The following SORCS2 variants were observed in gnomAD, a reference collection of about 807,000 sequenced individuals.
SORCS2 encodes the protein VPS10 domain-containing receptor SorCS2.
SORCS2 carries 100 observed loss-of-function variants against 141.6 expected under a neutral mutation model. The observed-to-expected ratio is 0.71, with a 90% CI of 0.60 to 0.83. The LOEUF is 0.83. Ranked by LOEUF, SORCS2 falls within the 40% of genes least tolerant of loss-of-function variation. The pLI is 0.00. For synonymous variants in SORCS2, 789 were observed against 676.9 expected, an observed-to-expected ratio of 1.17 and a Z score of -2.57; for missense variants, 1,646 against 1,560.2, an observed-to-expected ratio of 1.05 and a Z score of -0.93.
chr4:7,554,094 G>C (rs73214652), intron 3 of SORCS2, among the ~76,000 whole-genome samples: 2,351 of 68,424 alleles, frequency 0.034, 72 homozygotes, highest in African/African-American at 0.099. Flanking sequence ...CAAATGCAAG[G>C]CCAAAAAATC....
Position 7,543,784 on chromosome 4 carries a change from T to TCCATC in SORCS2, c.648+12156_648+12157insCATCC, listed in dbSNP as rs1553881832. Among the ~76,000 whole-genome samples the TCCATC allele has an allele frequency of 1.3e-3, 18 of 13,616 alleles. 1 individual carries two copies. The highest frequency in any genetic ancestry group is 2.1e-3 in the Admixed American group (2 of 960). The allele number at this position is 13,616 out of a possible 152,430, so 8.9% of individuals were successfully genotyped here. A position where few individuals can be genotyped will look rare whatever the true frequency, so the allele number is the denominator to read the frequency against. On this transcript the variant is annotated intron_variant, in intron 3 of 26. Coordinates refer to ENST00000507866, the MANE Select transcript of SORCS2 (RefSeq NM_020777.3). ...CCCACCCATCCGTCCATCCATCCAC[T>TCCATC]CATCCATCCATCCATCCATCCATCC... is the stretch of plus-strand genomic sequence containing the variant.
chr4:7,474,563 G>C (rs1168040347), intron 2 of SORCS2, among the ~76,000 whole-genome samples: 1 of 152,194 alleles, frequency 6.6e-6, no homozygotes, highest in Admixed American at 6.5e-5. Context: ...AGAGTCCCCA[G>C]CTCTGTGAAT....
chr4:7,410,619 T>C (rs1175594881), intron 2 of SORCS2, among the ~76,000 whole-genome samples: 2 of 152,208 alleles, frequency 1.3e-5, no homozygotes, highest in East Asian at 3.8e-4. Flanking sequence ...AAATGTCCCA[T>C]TGGCTTTTCA....
At chr4:7,697,108 G>A (rs1019074961) in intron 11 of SORCS2, 90 bp from the exon 12 acceptor site, 37 of 1,141,318 alleles carry the variant, frequency 3.2e-5, no homozygotes, top group Admixed American at 1.1e-4. Context: ...ACTGGCCACC[G>A]TTGCTTGAGG....
chr4:7,641,944 GATGA>G, intron 4 of SORCS2, among the ~76,000 whole-genome samples: 1 of 141,068 alleles, frequency 7.1e-6, no homozygotes, highest in South Asian at 2.4e-4. Flanking sequence ...ATGATGGATG[GATGA>G]ATGGATGGAT....
intron 26 of SORCS2, among the ~76,000 whole-genome samples, chr4:7,737,835 A>G (rs1404599585): frequency 6.6e-6 from 1 of 152,158 alleles, no homozygotes; most frequent in African/African-American, 2.4e-5. Context: ...GCTGCAGTCA[A>G]TGGCTGGTGC....
chr4:7,240,848 C>T (rs918778683), intron 1 of SORCS2, among the ~76,000 whole-genome samples: 11 of 152,164 alleles, frequency 7.2e-5, no homozygotes, highest in Non-Finnish European at 8.8e-5. Context: ...GTTTACACCC[C>T]GGTCGACCTT....
In SORCS2 at chr4:7,741,639, G is replaced by T. The variant is rs1231848633; in HGVS notation, c.*1375G>T. 5.5e-6 allele frequency: 1 copy of T among 181,464 alleles called. No homozygotes were observed. Among genetic ancestry groups the T allele is most frequent in the African/African-American group, 2.4e-5 (1 of 41,906 alleles). 11.2% of individuals were successfully genotyped at this position (181,464 alleles called of 1,614,324 possible). The stretch of plus-strand genomic sequence containing the variant: ...CCAATGAGGGTCCCTCTCAGAGCGG[G>T]AGAACGCCAGAGCCCTGGATGGTGA... On this transcript the variant is annotated 3_prime_UTR_variant, in exon 27 of 27. Transcript: ENST00000507866.
chr4:7,455,094 A>T (rs1236810048), intron 2 of SORCS2, among the ~76,000 whole-genome samples: 48 of 52,910 alleles, frequency 9.1e-4, no homozygotes, highest in African/African-American at 2.1e-3. Flanking sequence ...GGGGTCAGGC[A>T]CTGTGTTGGG....
intron 18 of SORCS2, among the ~76,000 whole-genome samples, chr4:7,723,221 A>G (rs986041227): frequency 6.6e-6 from 1 of 152,140 alleles, no homozygotes; most frequent in African/African-American, 2.4e-5. Flanking sequence ...TAAGAACCGC[A>G]GCTTCCCAGA....
intron 1 of SORCS2, among the ~76,000 whole-genome samples, chr4:7,370,946 T>C (rs1206185593): frequency 2.3e-4 from 35 of 152,182 alleles, no homozygotes; most frequent in Non-Finnish European, 1.5e-5. Context: ...GGTCCCCCTG[T>C]CTAGGAGCCT....
chr4:7,507,980 ATTGT>A (rs1732378499), intron 2 of SORCS2, among the ~76,000 whole-genome samples: 1 of 131,546 alleles, frequency 7.6e-6, no homozygotes, highest in Admixed American at 8.2e-5. Context: ...GTAAAATGTA[ATTGT>A]TTGTAAGGCA....
At chr4:7,306,872 C>A (rs1382692587) in intron 1 of SORCS2, among the ~76,000 whole-genome samples, 2 of 152,106 alleles carry the variant, frequency 1.3e-5, no homozygotes, top group Middle Eastern at 3.2e-3. Context: ...GCGTTGTGGG[C>A]GACCCCCTAA....
chr4:7,632,433 T>C (rs1461504573), intron 3 of SORCS2, among the ~76,000 whole-genome samples: 5 of 152,176 alleles, frequency 3.3e-5, no homozygotes, highest in African/African-American at 1.2e-4. Context: ...GGCACGATGC[T>C]AATTGATTTG....
chr4:7,736,968 T>C (rs1712229444), intron 25 of SORCS2, 101 bp from the exon 26 acceptor site: 2 of 1,437,760 alleles, frequency 1.4e-6, no homozygotes, highest in Non-Finnish European at 1.9e-6. Context: ...GTGGGCACCG[T>C]GCACCACACT....
In SORCS2 at chr4:7,436,418, C is replaced by A. The variant is rs995346413; in HGVS notation, c.548+40063C>A. 1.3e-3 allele frequency among the ~76,000 whole-genome samples: 197 copies of A among 152,372 alleles called. 1 individual carries two copies. Among genetic ancestry groups the A allele is most frequent in the Non-Finnish European group, 8.4e-4 (57 of 68,040 alleles). ...GGCTGAAGCAAACAGAAGGGCCTGCCCCTTGGCGTGAACGCAGCTGTGTGC... is the reference window on the plus strand; with the variant it reads ...GGCTGAAGCAAACAGAAGGGCCTGCACCTTGGCGTGAACGCAGCTGTGTGC... On this transcript the variant is annotated intron_variant, in intron 2 of 26. Transcript: ENST00000507866.
rs62290660 is a variant in SORCS2 at position 7,639,137 on chromosome 4, A to G, written c.813+645A>G. Among the ~76,000 whole-genome samples the G allele has an allele frequency of 7.3e-3, 1,115 of 152,314 alleles. 6 individuals carry two copies. Among genetic ancestry groups the G allele is most frequent in the Middle Eastern group, 0.017 (5 of 294 alleles). Reference sequence around the variant, plus strand: ...GCTGGGGAGGGCCCAGTAGGAAAGGACTTTGTTCCTTTTCTGCAGCCGTGG... The same window carrying G: ...GCTGGGGAGGGCCCAGTAGGAAAGGGCTTTGTTCCTTTTCTGCAGCCGTGG... On this transcript the variant is annotated intron_variant, in intron 4 of 26. Coordinates refer to ENST00000507866, the MANE Select transcript of SORCS2 (RefSeq NM_020777.3).
At chr4:7,609,490 A>T (rs965372182) in intron 3 of SORCS2, among the ~76,000 whole-genome samples, 1 of 151,288 alleles carries the variant, frequency 6.6e-6, no homozygotes, top group Admixed American at 6.6e-5. Flanking sequence ...CTCCTCTGTG[A>T]CCTCCCCCGT....
At chr4:7,343,124 G>C (rs576963943) in intron 1 of SORCS2, among the ~76,000 whole-genome samples, 1 of 152,244 alleles carries the variant, frequency 6.6e-6, no homozygotes. Context: ...GGCAACAGGA[G>C]CATTAGGAGG....
Sources: allele counts gnomAD v4.1 joint callset (sites outside exome capture counted in the v4.1 genomes callset), GRCh38; gene constraint gnomAD v4.1.1; transcripts MANE v1.5; gene names NCBI Gene and HGNC (gene_info 2026-07-23, HGNC 2026-07-21).